Variants in STYXL1 observed in about 807,000 individuals in gnomAD.
STYXL1 encodes the protein serine/threonine/tyrosine-interacting-like protein 1.
Under a neutral mutation model 36.4 loss-of-function variants are expected in STYXL1, and 32 were observed. The observed-to-expected ratio is 0.88, with a 90% CI of 0.66 to 1.18. The LOEUF (loss-of-function observed/expected upper bound fraction) is 1.18. Among genes scored for constraint, STYXL1 ranks in the 50% most tolerant of loss-of-function variants. STYXL1 has a pLI of 0.00. For missense variants in STYXL1, 354 were observed against 394.1 expected (o/e 0.90, Z 0.86); for synonymous variants, 133 against 144.1 (o/e 0.92, Z 0.55).
intron 3 of STYXL1, among the ~76,000 whole-genome samples, chr7:76,023,290 T>C (rs1401500189): frequency 6.6e-6 from 1 of 152,108 alleles, no homozygotes; most frequent in Non-Finnish European, 1.5e-5. Flanking sequence ...CAGAGACACC[T>C]TTCTTCTAAT....
chr7:76,016,973 T>C (rs782339441), intron 4 of STYXL1, among the ~76,000 whole-genome samples: 1 of 152,108 alleles, frequency 6.6e-6, no homozygotes, highest in Non-Finnish European at 1.5e-5. Context: ...AGCAAAGACA[T>C]AGAATCAACT....
At chr7:76,039,384 G>A (rs1554581637) in intron 1 of STYXL1, among the ~76,000 whole-genome samples, 1 of 152,070 alleles carries the variant, frequency 6.6e-6, no homozygotes, top group Non-Finnish European at 1.5e-5. Context: ...CCAAGGGTCA[G>A]GATCTTAAGG....
intron 1 of STYXL1, among the ~76,000 whole-genome samples, chr7:76,040,777 A>G (rs1207116884): frequency 6.6e-6 from 1 of 151,692 alleles, no homozygotes; most frequent in Non-Finnish European, 1.5e-5. Context: ...CGGAGGTTGC[A>G]GTGAGCTGAA....
intron 4 of STYXL1, among the ~76,000 whole-genome samples, chr7:76,014,353 GTTTT>G (rs1182669106): frequency 2.0e-5 from 3 of 149,692 alleles, no homozygotes; most frequent in Non-Finnish European, 4.5e-5. Flanking sequence ...TTACCACCGG[GTTTT>G]TTTTGTTTTT....
At chr7:76,015,129 A>C (rs1793121761) in intron 4 of STYXL1, among the ~76,000 whole-genome samples, 1 of 152,208 alleles carries the variant, frequency 6.6e-6, no homozygotes, top group African/African-American at 2.4e-5. Flanking sequence ...GGGCACCTGC[A>C]GTTCCAGCTA....
chr7:76,045,903 T>A (rs191795289), intron 1 of STYXL1: 2 of 152,280 alleles, frequency 1.3e-5, no homozygotes, highest in East Asian at 3.9e-4. Context: ...AAAGACTTAG[T>A]ACCTGGCAAG....
At chr7:75,997,212 A>G (rs1267138130) in intron 8 of STYXL1, among the ~76,000 whole-genome samples, 1 of 152,178 alleles carries the variant, frequency 6.6e-6, no homozygotes, top group Non-Finnish European at 1.5e-5. Context: ...CGGGTGGATC[A>G]CCTGAGGTCA....
At chr7:76,015,356 T>A (rs1370813725) in intron 4 of STYXL1, among the ~76,000 whole-genome samples, 1 of 152,162 alleles carries the variant, frequency 6.6e-6, no homozygotes, top group African/African-American at 2.4e-5. Flanking sequence ...TATCACCATA[T>A]ACAAAAATCA....
chr7:76,034,069 T>C (rs1454410934), intron 1 of STYXL1, among the ~76,000 whole-genome samples: 3 of 152,198 alleles, frequency 2.0e-5, no homozygotes, highest in African/African-American at 7.2e-5. Context: ...AAATACTCAG[T>C]GAGTACTGGC....
At chr7:75,999,551 G>GTGTGTGTGTGTGTGTGTGTGTA in intron 8 of STYXL1, among the ~76,000 whole-genome samples, 1 of 80,134 alleles carries the variant, frequency 1.2e-5, no homozygotes, top group East Asian at 3.4e-4. Context: ...GTGTGTGTGT[G>GTGTGTGTGTGTGTGTGTGTGTA]TATATTTTTT....
At chr7:76,034,985 G>A (rs1795778848) in intron 1 of STYXL1, among the ~76,000 whole-genome samples, 1 of 130,518 alleles carries the variant, frequency 7.7e-6, no homozygotes, top group South Asian at 2.8e-4. Context: ...ATACAGCATG[G>A]CCGAAATACA....
intron 6 of STYXL1, 118 bp downstream of exon 6, chr7:76,005,141 C>A: frequency 1.7e-6 from 1 of 590,958 alleles, no homozygotes; most frequent in Non-Finnish European, 2.2e-6. Flanking sequence ...CCATTGTGCA[C>A]ATGTACCCTA....
At chr7:76,026,691 A>C (rs986154792) in intron 3 of STYXL1, among the ~76,000 whole-genome samples, 1 of 152,248 alleles carries the variant, frequency 6.6e-6, no homozygotes, top group Non-Finnish European at 1.5e-5. Context: ...ACAGATGTGG[A>C]GATCAAGGAC....
chr7:76,037,461 T>C (rs1322909663), intron 1 of STYXL1, among the ~76,000 whole-genome samples: 1 of 149,982 alleles, frequency 6.7e-6, no homozygotes, highest in Non-Finnish European at 1.5e-5. Flanking sequence ...GTGTCTATAT[T>C]TGGGGAAAAC....
At chr7:76,005,454 AG>A in intron 5 of STYXL1, 50 bp from the exon 6 acceptor site, 1 of 1,526,802 alleles carries the variant, frequency 6.5e-7, no homozygotes, top group Non-Finnish European at 8.9e-7. Flanking sequence ...CTCAGGGAAG[AG>A]GGATGTCTAT....
At chr7:76,005,864 AGGAAGAGAGAGGAGGAGAGAGG>A (rs1554570083) in intron 5 of STYXL1, among the ~76,000 whole-genome samples, 1 of 110,240 alleles carries the variant, frequency 9.1e-6, no homozygotes, top group East Asian at 2.4e-4. Context: ...AGGAGAGAGG[AGGAAGAGAGAGGAGGAGAGAGG>A]AGGAGGAGGA....
chr7:76,021,236 C>T (rs1392680723), intron 4 of STYXL1, among the ~76,000 whole-genome samples: 19 of 152,264 alleles, frequency 1.2e-4, no homozygotes, highest in African/African-American at 3.6e-4. Flanking sequence ...CGCCTGCCAC[C>T]ATGCCCGGCT....
intron 6 of STYXL1, among the ~76,000 whole-genome samples, 157 bp from the exon 7 acceptor site, chr7:76,004,012 T>C (rs1261733295): frequency 6.6e-6 from 1 of 151,934 alleles, no homozygotes; most frequent in Non-Finnish European, 1.5e-5. Context: ...GAAAAAAACA[T>C]CCAGGCTGGG....
chr7:76,026,786 C>T (rs1794767498), intron 3 of STYXL1, among the ~76,000 whole-genome samples: 1 of 152,202 alleles, frequency 6.6e-6, no homozygotes, highest in African/African-American at 2.4e-5. Context: ...GCCAGGCTCA[C>T]GCCTGCAATC....
Sources: allele counts gnomAD v4.1 joint callset (sites outside exome capture counted in the v4.1 genomes callset), GRCh38; gene constraint gnomAD v4.1.1; transcripts MANE v1.5; gene names NCBI Gene and HGNC (gene_info 2026-07-23, HGNC 2026-07-21).